Variants in SUPT16H observed in about 807,000 individuals in gnomAD.
SUPT16H encodes the protein FACT complex subunit SPT16.
SUPT16H carries 24 observed loss-of-function variants against 136.2 expected under a neutral mutation model. That is an observed-to-expected ratio of 0.18 (90% CI 0.13 to 0.25). The LOEUF is 0.25. SUPT16H is among the 10% of genes least tolerant of loss of function. The pLI is 1.00. For missense variants in SUPT16H, 623 were observed against 1,270.2 expected, an observed-to-expected ratio of 0.49 and a Z score of 7.74; for synonymous variants, 415 against 428.2, an observed-to-expected ratio of 0.97 and a Z score of 0.38.
chr14:21,359,222 C>T (rs922151807), intron 19 of SUPT16H, among the ~76,000 whole-genome samples: 11 of 152,108 alleles, frequency 7.2e-5, no homozygotes, highest in Non-Finnish European at 1.2e-4. Context: ...CTTAGCCTCC[C>T]GACTAGCTGG....
chr14:21,357,933 C>T lies in SUPT16H; in HGVS notation c.2484G>A (p.Thr828=), dbSNP rs1428593639. The T allele has an allele frequency of 6.8e-6, 11 of 1,613,188 alleles. No homozygotes were observed. The highest frequency in any genetic ancestry group is 4.0e-5 in the African/African-American group (3 of 74,876). The change falls in exon 21 of 26, where the codon ACG becomes ACA. Residue 828 remains threonine, a synonymous_variant. Coordinates refer to ENST00000216297, the MANE Select transcript of SUPT16H (RefSeq NM_007192.4). ...GAAAGTAAGAAACACTCACCCATTC[C>T]GTAGCATTTACCAGCGCACTACTAG... is the stretch of plus-strand genomic sequence containing the variant. ...QPTSSALVNA[T]EWPPFVVTLD...
At chr14:21,374,771 T>G (rs968518530) in intron 1 of SUPT16H, among the ~76,000 whole-genome samples, 1 of 152,232 alleles carries the variant, frequency 6.6e-6, no homozygotes, top group Non-Finnish European at 1.5e-5. Flanking sequence ...GTAAAAAATG[T>G]TGCCATGAAC....
chr14:21,370,561 T>C, intron 3 of SUPT16H, 73 bp from the exon 4 acceptor site: 1 of 1,482,444 alleles, frequency 6.7e-7, no homozygotes. Flanking sequence ...CAGTAACAGG[T>C]AGAATAATAT....
At chr14:21,382,625 T>C (rs1401781828) in intron 1 of SUPT16H, among the ~76,000 whole-genome samples, 1 of 152,194 alleles carries the variant, frequency 6.6e-6, no homozygotes, top group Non-Finnish European at 1.5e-5. Context: ...CATTAGAAAG[T>C]ATCAAGGTTT....
chr14:21,381,833 C>A (rs968424230), intron 1 of SUPT16H, among the ~76,000 whole-genome samples: 2 of 148,316 alleles, frequency 1.3e-5, no homozygotes, highest in Non-Finnish European at 3.0e-5. Context: ...CTTGCCCAGG[C>A]TGGTCTTTAA....
chr14:21,363,609 G>A, intron 10 of SUPT16H, 106 bp from the exon 11 acceptor site: 1 of 895,942 alleles, frequency 1.1e-6, no homozygotes, highest in East Asian at 2.5e-5. Context: ...ACACTAAAAT[G>A]TTTGACAATG....
At chr14:21,379,909 CAAAA>C (rs936553854) in intron 1 of SUPT16H, among the ~76,000 whole-genome samples, 4 of 116,372 alleles carry the variant, frequency 3.4e-5, no homozygotes, top group South Asian at 2.9e-4. Context: ...AACAAACAAA[CAAAA>C]AAACCTTTCT....
chr14:21,353,599 G>A (rs1344734154), intron 24 of SUPT16H, 34 bp from the exon 25 acceptor site: 2 of 1,610,024 alleles, frequency 1.2e-6, no homozygotes, highest in Non-Finnish European at 1.7e-6. Context: ...TAGTCATCAT[G>A]CGGGAACAGA....
chr14:21,353,372 T>G lies in SUPT16H; in HGVS notation c.2998+116A>C. ...TGTATCTGTGGCTCCAAAGCACTTT[T>G]ATAGTGTTCTTTTGTTACTTTCATT... On this transcript the variant is annotated intron_variant, in intron 25 of 25. Transcript: ENST00000216297. The G allele has an allele frequency of 6.7e-6, 7 of 1,038,388 alleles. No individual in the cohort carries two copies. The East Asian group carries it at 9.9e-5, about 15-fold the overall frequency. The allele number at this position is 1,038,388 out of a possible 1,614,324, so 64.3% of individuals were successfully genotyped here. A position where few individuals can be genotyped will look rare whatever the true frequency, so the allele number is the denominator to read the frequency against.
chr14:21,383,557 GAGT>G, intron 1 of SUPT16H: 1 of 684,698 alleles, frequency 1.5e-6, no homozygotes, highest in Non-Finnish European at 2.7e-6. Context: ...CGTGACCACG[GAGT>G]AGGAGGGAAG....
chr14:21,361,114 A>G lies in SUPT16H; in HGVS notation c.1893T>C (p.Arg631=), dbSNP rs766851359. The G allele has an allele frequency of 1.4e-5, 23 of 1,613,840 alleles. No individual in the cohort carries two copies. The highest frequency in any genetic ancestry group is 1.8e-5 in the Non-Finnish European group (21 of 1,179,998). ...TCTCTTCAGCTTCTCGAGTTTTATAACGTTTCTGTACTTCTTTAATAATTC... is the reference window on the plus strand; with the variant it reads ...TCTCTTCAGCTTCTCGAGTTTTATAGCGTTTCTGTACTTCTTTAATAATTC... ...AFRIIKEVQK[R]YKTREAEEKE... The change falls in exon 16 of 26, where the codon CGT becomes CGC. Residue 631 remains arginine (R), a synonymous_variant. Transcript: ENST00000216297.
chr14:21,364,839 C>T lies in SUPT16H; in HGVS notation c.1221G>A (p.Val407=). The T allele has an allele frequency of 4.3e-6, 7 of 1,612,364 alleles. No individual in the cohort carries two copies. Among genetic ancestry groups the T allele is most frequent in the Non-Finnish European group, 5.9e-6 (7 of 1,179,926 alleles). Residue 407 remains valine, a synonymous_variant, in exon 10 of 26, where the codon GTG becomes GTA. Coordinates refer to ENST00000216297, the MANE Select transcript of SUPT16H (RefSeq NM_007192.4). ...KTYALFIGDT[V]LVDEDGPATV... ...ACACAATACACACCTCATCCACAAG[C>T]ACTGTGTCACCAATGAACAGGGCAT... is the stretch of plus-strand genomic sequence containing the variant.
intron 7 of SUPT16H, among the ~76,000 whole-genome samples, chr14:21,366,922 G>A (rs529873563): frequency 6.6e-6 from 1 of 151,908 alleles, no homozygotes; most frequent in East Asian, 1.9e-4. Flanking sequence ...GGAATTATAG[G>A]TGTAAATCAC....
chr14:21,355,939 A>T (rs1250173520), intron 22 of SUPT16H, among the ~76,000 whole-genome samples: 1 of 152,234 alleles, frequency 6.6e-6, no homozygotes, highest in African/African-American at 2.4e-5. Flanking sequence ...AATATGAAAC[A>T]ACAGTTTTCA....
chr14:21,370,581 C>T (rs920939503), intron 3 of SUPT16H, 93 bp from the exon 4 acceptor site: 21 of 1,386,138 alleles, frequency 1.5e-5, no homozygotes, highest in African/African-American at 1.2e-4. Context: ...TTCTAAACTA[C>T]GGAAAAAATT....
chr14:21,352,841 GT>G, intron 25 of SUPT16H, 23 bp from the exon 26 acceptor site: 1 of 1,613,964 alleles, frequency 6.2e-7, no homozygotes, highest in South Asian at 1.1e-5. Context: ...GGCATTATTA[GT>G]TAGCAATAGG....
At chr14:21,359,729 CT>C (rs756554452) in intron 18 of SUPT16H, 120 bp from the exon 19 acceptor site, 9 of 1,135,024 alleles carry the variant, frequency 7.9e-6, no homozygotes, top group East Asian at 2.5e-5. Context: ...TAAACCACCC[CT>C]GGTGTCATCA....
At chr14:21,375,049 T>C (rs1722964375) in intron 1 of SUPT16H, among the ~76,000 whole-genome samples, 2 of 152,156 alleles carry the variant, frequency 1.3e-5, no homozygotes, top group African/African-American at 4.8e-5. Flanking sequence ...AGTCTCGCTC[T>C]ATCACCCAGG....
In SUPT16H at chr14:21,363,421, ATCT is replaced by A. The variant is rs766774234; in HGVS notation, c.1299+14_1299+16del. 1.6e-5 allele frequency: 26 copies of A among 1,612,868 alleles called. No individual in the cohort carries two copies. Among genetic ancestry groups the A allele is most frequent in the African/African-American group, 4.0e-5 (3 of 74,922 alleles). On this transcript the variant is annotated intron_variant, in intron 11 of 25. Coordinates refer to ENST00000216297, the MANE Select transcript of SUPT16H (RefSeq NM_007192.4). ...ATATCCTAAACTTCCTATACTACTT[ATCT>A]ATCTTCTTCCTACCTTTAGGAAAAT...
Sources: allele counts gnomAD v4.1 joint callset (sites outside exome capture counted in the v4.1 genomes callset), GRCh38; gene constraint gnomAD v4.1.1; transcripts MANE v1.5; gene names NCBI Gene and HGNC (gene_info 2026-07-23, HGNC 2026-07-21).